The following MTMR14 variants were observed in gnomAD, a reference collection of about 807,000 sequenced individuals.
MTMR14 encodes the protein myotubularin related protein 14.
MTMR14 carries 48 observed loss-of-function variants against 86.3 expected under a neutral mutation model. The ratio of observed to expected loss-of-function variants is 0.56; its 90% CI spans 0.44 to 0.71. The LOEUF (loss-of-function observed/expected upper bound fraction) is 0.71, where lower values mean the gene tolerates loss of function less well. MTMR14 is among the 30% of genes least tolerant of loss of function. MTMR14 has a pLI of 0.00. For synonymous variants in MTMR14, 366 were observed against 326.1 expected (o/e 1.12, Z -1.32); for missense variants, 780 against 834.6 (o/e 0.93, Z 0.81).
rs767695752 is a variant in MTMR14 at position 9,678,052 on chromosome 3, G to C, written c.891G>C (p.Gln297His). ...LTHSLNIDWS[Q>H]YQCWDLVQQT... ...ACTCTCTGAACATTGACTGGAGCCA[G>C]TATCAGGTGAGGGGCCTGACTCAAG... is the stretch of plus-strand genomic sequence containing the variant. Residue 297 changes from glutamine (Q) to histidine (H), a missense_variant, in exon 9 of 19, where the codon CAG becomes CAC. By Grantham distance (24) the Gln-to-His change is conservative. Coordinates refer to ENST00000296003, the MANE Select transcript of MTMR14 (RefSeq NM_001077525.3). 1 of 1,614,056 alleles carries C rather than the reference G, an allele frequency of 6.2e-7. No individual in the cohort carries two copies.
chr3:9,660,964 C>T (rs777354249), intron 2 of MTMR14, among the ~76,000 whole-genome samples: 11 of 152,114 alleles, frequency 7.2e-5, no homozygotes, highest in Admixed American at 2.6e-4. Flanking sequence ...TTTATGAGAG[C>T]GGACCCTTAT....
intron 1 of MTMR14, among the ~76,000 whole-genome samples, chr3:9,652,198 G>A (rs779696557): frequency 6.6e-6 from 1 of 151,954 alleles, no homozygotes; most frequent in Non-Finnish European, 1.5e-5. Flanking sequence ...CTCCTGATCA[G>A]AAGTGATCTG....
chr3:9,659,110 C>T (rs1224809066), intron 2 of MTMR14, among the ~76,000 whole-genome samples: 2 of 152,172 alleles, frequency 1.3e-5, no homozygotes, highest in Non-Finnish European at 2.9e-5. Flanking sequence ...TGGCATGTGC[C>T]TGTAGTCCCA....
Position 9,702,067 on chromosome 3 carries a change from CAG to C in MTMR14, c.*95_*96del, listed in dbSNP as rs1430134643. 8.5e-6 allele frequency: 13 copies of C among 1,528,938 alleles called. No homozygotes were observed. Among genetic ancestry groups the C allele is most frequent in the East Asian group, 4.5e-5 (2 of 44,250 alleles). 94.7% of individuals were successfully genotyped at this position (1,528,938 alleles called of 1,614,324 possible). ...CCTGGCCGAAGGGGTACTTCCAGGT[CAG>C]GGGAAATTTCAGTCCCCCATCTCCA... On this transcript the variant is annotated 3_prime_UTR_variant, in exon 19 of 19. Transcript: ENST00000296003.
At chr3:9,673,155 C>G (rs2048665532) in intron 7 of MTMR14, among the ~76,000 whole-genome samples, 2 of 152,234 alleles carry the variant, frequency 1.3e-5, no homozygotes, top group Admixed American at 6.5e-5. Context: ...AGCAACTACA[C>G]TTGCTGCTGT....
chr3:9,672,573 A>G, intron 6 of MTMR14, 112 bp from the exon 7 acceptor site: 1 of 931,872 alleles, frequency 1.1e-6, no homozygotes, highest in Non-Finnish European at 1.8e-6. Context: ...AACAATGAAG[A>G]ATAGTTTTTT....
chr3:9,690,258 G>T, intron 17 of MTMR14, 115 bp downstream of exon 17: 1 of 1,147,216 alleles, frequency 8.7e-7, no homozygotes, highest in Non-Finnish European at 1.3e-6. Context: ...TCCTAAGCTT[G>T]CAGGCCCAGT....
At chr3:9,654,774 C>G (rs185899320) in intron 2 of MTMR14, among the ~76,000 whole-genome samples, 1 of 152,198 alleles carries the variant, frequency 6.6e-6, no homozygotes, top group Non-Finnish European at 1.5e-5. Context: ...TTGTTAGAAA[C>G]GCAGAAGCTC....
At chr3:9,668,683 A>C in intron 3 of MTMR14, 36 bp from the exon 4 acceptor site, 3 of 1,609,704 alleles carry the variant, frequency 1.9e-6, no homozygotes, top group Non-Finnish European at 2.6e-6. Context: ...TGCTTCAGAA[A>C]ACCATCTGAC....
In MTMR14 at chr3:9,690,222, C is replaced by T. The variant is rs2076096966; in HGVS notation, c.1613+79C>T. 7 of 1,501,062 alleles carry T rather than the reference C, an allele frequency of 4.7e-6. No homozygotes were observed. In the South Asian group the frequency reaches 7.0e-5, roughly 15 times the overall value. 93.0% of individuals were successfully genotyped at this position (1,501,062 alleles called of 1,614,324 possible). A position where few individuals can be genotyped will look rare whatever the true frequency, so the allele number is the denominator to read the frequency against. On this transcript the variant is annotated intron_variant, in intron 17 of 18. Transcript: ENST00000296003. ...AAGACTGGAGGGTCGGGGGCCAGCA[C>T]CTGAGCTAGGGTCTCAAGATGGGGT...
At position 9,684,592 on chromosome 3, in the gene MTMR14, C is replaced by T. The variant is rs1321462451; in HGVS notation, c.972C>T (p.Ser324=). 16 of 1,613,956 alleles carry T rather than the reference C, an allele frequency of 9.9e-6. No homozygotes were observed. The highest frequency in any genetic ancestry group is 2.2e-5 in the South Asian group (2 of 91,082). The change falls in exon 11 of 19, where the codon AGC becomes AGT. Residue 324 remains serine, a synonymous_variant. Coordinates refer to ENST00000296003, the MANE Select transcript of MTMR14 (RefSeq NM_001077525.3). ...LLSLVNSDDD[S]GLLVHCISGW... is the part of the protein sequence containing the mutation. ...CCTGCGGTTCCTGAGTAGATGACAG[C>T]GGGCTGCTGGTACACTGTATCTCAG...
In MTMR14 at chr3:9,677,207, A is replaced by T; in HGVS notation, c.752-110A>T. The T allele has an allele frequency of 1.1e-6, 1 of 908,780 alleles. No homozygotes were observed. The highest frequency in any genetic ancestry group is 1.8e-6 in the Non-Finnish European group (1 of 561,874). The allele number at this position is 908,780 out of a possible 1,614,324, so 56.3% of individuals were successfully genotyped here. A position where few individuals can be genotyped will look rare whatever the true frequency, so the allele number is the denominator to read the frequency against. On this transcript the variant is annotated intron_variant, in intron 7 of 18. Coordinates refer to ENST00000296003, the MANE Select transcript of MTMR14 (RefSeq NM_001077525.3). This position sits in a 1 kb window ranked among gnomAD's most constrained non-coding sequence, Gnocchi z 4.2. ...GAAGCCACTAGCTTGGAGAAGTGTGAGTTGGCGGCCCCCTCTCCACAGCAC... is the reference window on the plus strand; with the variant it reads ...GAAGCCACTAGCTTGGAGAAGTGTGTGTTGGCGGCCCCCTCTCCACAGCAC...
At chr3:9,699,849 T>C (rs2125426749) in intron 18 of MTMR14, 1 of 152,348 alleles carries the variant, frequency 6.6e-6, no homozygotes, top group East Asian at 1.9e-4. Context: ...CCTCGTATGC[T>C]ATAAGGAGAA....
intron 17 of MTMR14, among the ~76,000 whole-genome samples, chr3:9,694,641 T>C (rs1266089031): frequency 2.6e-5 from 4 of 152,210 alleles, no homozygotes; most frequent in Admixed American, 6.5e-5. Context: ...GCCTTAGTCA[T>C]TTGTCCGAGA....
At chr3:9,667,497 G>T (rs2048320902) in intron 3 of MTMR14, among the ~76,000 whole-genome samples, 1 of 151,878 alleles carries the variant, frequency 6.6e-6, no homozygotes, top group Admixed American at 6.6e-5. Flanking sequence ...ATTGCTTTTA[G>T]ACCCACAGAA....
intron 18 of MTMR14, among the ~76,000 whole-genome samples, chr3:9,699,062 C>G (rs369479181): frequency 2.0e-5 from 3 of 151,726 alleles, no homozygotes; most frequent in Non-Finnish European, 4.4e-5. Flanking sequence ...ATCCCAGCTA[C>G]TCGGGAGGCT....
intron 3 of MTMR14, among the ~76,000 whole-genome samples, chr3:9,663,501 CTTTTTT>C (rs4021721): frequency 7.1e-5 from 5 of 69,968 alleles, no homozygotes; most frequent in African/African-American, 9.6e-5. Flanking sequence ...GAGTCTCTCT[CTTTTTT>C]TTTTTTTTTT....
At chr3:9,669,139 CAAAAA>C (rs1225596376) in intron 4 of MTMR14, among the ~76,000 whole-genome samples, 2 of 99,354 alleles carry the variant, frequency 2.0e-5, no homozygotes, top group South Asian at 3.3e-4. Flanking sequence ...GACTCCGTCT[CAAAAA>C]AAAAAAAAAA....
chr3:9,665,429 A>G (rs900774896), intron 3 of MTMR14, among the ~76,000 whole-genome samples: 1 of 152,218 alleles, frequency 6.6e-6, no homozygotes, highest in Non-Finnish European at 1.5e-5. Context: ...GCGGGTACGC[A>G]TGGTCATAAA....
Sources: allele counts gnomAD v4.1 joint callset (sites outside exome capture counted in the v4.1 genomes callset), GRCh38; gene constraint gnomAD v4.1.1; non-coding constraint Gnocchi (gnomAD v3.1); transcripts MANE v1.5; gene names NCBI Gene and HGNC (gene_info 2026-07-23, HGNC 2026-07-21).